HPSE2: variants seen among roughly 807,000 people sequenced by gnomAD.
The protein encoded by HPSE2 is heparanase 2 (inactive), also known as inactive heparanase-2.
HPSE2 carries 38 observed loss-of-function variants against 60.5 expected under a neutral mutation model. That is an observed-to-expected ratio of 0.63 (90% CI 0.48 to 0.82). HPSE2 has a LOEUF of 0.82. Ranked by LOEUF, HPSE2 falls within the 40% of genes least tolerant of loss-of-function variation. HPSE2 has a pLI of 0.00. For synonymous variants in HPSE2, 295 were observed against 293.2 expected (o/e 1.01, Z -0.06); for missense variants, 713 against 740.4 (o/e 0.96, Z 0.43).
the HPSE2 span, among the ~76,000 whole-genome samples, chr10:99,249,512 T>A: frequency 2.0e-5 from 3 of 152,208 alleles, no homozygotes; most frequent in Non-Finnish European, 2.9e-5. Flanking sequence ...ACTAACTTGT[T>A]TTTGATTTTA....
intron 3 of HPSE2, among the ~76,000 whole-genome samples, chr10:99,000,566 A>G (rs1956754904): frequency 6.6e-6 from 1 of 152,164 alleles, no homozygotes; most frequent in Admixed American, 6.6e-5. Context: ...CATGCAAATC[A>G]AAGACACTAA....
At chr10:99,174,874 G>A (rs780223409) in intron 2 of HPSE2, among the ~76,000 whole-genome samples, 4 of 152,184 alleles carry the variant, frequency 2.6e-5, no homozygotes, top group Non-Finnish European at 4.4e-5. Context: ...TGACATCAAC[G>A]CAGAAGGCAG....
chr10:99,036,516 C>G (rs1957613519), intron 3 of HPSE2, among the ~76,000 whole-genome samples: 1 of 152,020 alleles, frequency 6.6e-6, no homozygotes, highest in African/African-American at 2.4e-5. Flanking sequence ...ATAAATATCC[C>G]TAAGTCCTTA....
chr10:98,473,506 A>T (rs1039605372), intron 11 of HPSE2, among the ~76,000 whole-genome samples: 3 of 89,688 alleles, frequency 3.3e-5, no homozygotes, highest in African/African-American at 1.6e-4. Flanking sequence ...AAAAAAAAAG[A>T]AGGCAGAAAA....
At chr10:99,188,042 G>A (rs1848092254) in intron 2 of HPSE2, among the ~76,000 whole-genome samples, 1 of 152,168 alleles carries the variant, frequency 6.6e-6, no homozygotes, top group Non-Finnish European at 1.5e-5. Flanking sequence ...CATATCCATG[G>A]TTTCTGCAAG....
chr10:99,072,225 GGACATACAC>G (rs968379301), intron 3 of HPSE2, among the ~76,000 whole-genome samples: 3 of 152,002 alleles, frequency 2.0e-5, no homozygotes, highest in Admixed American at 2.0e-4. Flanking sequence ...ATACCATTCA[GGACATACAC>G]GCCAGCAAAG....
intron 8 of HPSE2, among the ~76,000 whole-genome samples, chr10:98,618,223 TTACAGCCAGAATATAAACAACTA>T (rs1408775194): frequency 2.2e-4 from 33 of 152,284 alleles, no homozygotes; most frequent in African/African-American, 7.9e-4. Context: ...GATATCTGAA[TTACAGCCAGAATATAAACAACTA>T]TGTTGATCTG....
chr10:98,490,169 G>A lies in HPSE2; in HGVS notation c.1348C>T (p.Arg450Cys), dbSNP rs200599636. 1.1e-5 allele frequency: 17 copies of A among 1,614,172 alleles called. No homozygotes were observed. The highest frequency in any genetic ancestry group is 3.3e-5 in the South Asian group (3 of 91,084). The change falls in exon 10 of 12, where the codon CGC (arginine) becomes TGC (cysteine). Residue 450 changes from arginine to cysteine, a missense_variant. By Grantham distance (180) the Arg-to-Cys change is radical (BLOSUM62 -3). Coordinates refer to ENST00000370552, the MANE Select transcript of HPSE2 (RefSeq NM_021828.5). ...PDYWLSLLYK[R>C]LIGPKVLAVH... Reference sequence around the variant, plus strand: ...GCCAAGACTTTGGGGCCGATCAGGCGCTTGTAGAGGAGAGAGAGCCAGTAG... The same window carrying A: ...GCCAAGACTTTGGGGCCGATCAGGCACTTGTAGAGGAGAGAGAGCCAGTAG...
At chr10:99,255,547 T>G in the HPSE2 span, among the ~76,000 whole-genome samples, 1 of 120,686 alleles carries the variant, frequency 8.3e-6, no homozygotes, top group Non-Finnish European at 1.6e-5. Flanking sequence ...TACACACACA[T>G]GCACGCATGC....
At position 99,151,627 on chromosome 10, in the gene HPSE2, T is replaced by A. The variant is rs574279586; in HGVS notation, c.449-7228A>T. Among the ~76,000 whole-genome samples the A allele has an allele frequency of 7.9e-4, 120 of 152,012 alleles. 1 individual carries two copies. The highest frequency in any genetic ancestry group is 2.7e-3 in the African/African-American group (113 of 41,470). On this transcript the variant is annotated intron_variant, in intron 2 of 11. Coordinates refer to ENST00000370552, the MANE Select transcript of HPSE2 (RefSeq NM_021828.5). ...AGCACGGAGGAAAAAAACTAATCCA[T>A]AAAGGGAACAAGTAATACAATTAAT...
chr10:98,511,130 G>GT (rs11393115), intron 9 of HPSE2, among the ~76,000 whole-genome samples: 102,827 of 138,816 alleles, frequency 0.74, 35,512 homozygotes, highest in Middle Eastern at 0.79. Flanking sequence ...ATGTGTTGCT[G>GT]TTTTTTTTTT....
chr10:98,692,399 G>A lies in HPSE2; in HGVS notation c.1004+1501C>T, dbSNP rs542399435. On this transcript the variant is annotated intron_variant, in intron 6 of 11. Coordinates refer to ENST00000370552, the MANE Select transcript of HPSE2 (RefSeq NM_021828.5). ...GGAGAGTTTGGCTTTTGCTCCAAGT[G>A]CAAAGGAGAGACATTGTGGGTTTTC... is the stretch of plus-strand genomic sequence containing the variant. Among the ~76,000 whole-genome samples, 6 of 151,942 alleles carry A rather than the reference G, an allele frequency of 3.9e-5. No homozygotes were observed. The East Asian group carries it at 9.7e-4, about 24-fold the overall frequency.
the HPSE2 span, among the ~76,000 whole-genome samples, chr10:99,266,699 C>T: frequency 2.0e-5 from 3 of 152,260 alleles, no homozygotes; most frequent in South Asian, 2.1e-4. Flanking sequence ...CAACACAAAA[C>T]GAGTACAATA....
Position 98,766,714 on chromosome 10 carries a change from C to A in HPSE2, c.611-22658G>T, listed in dbSNP as rs542455956. On this transcript the variant is annotated intron_variant, in intron 3 of 11. Transcript: ENST00000370552. ...CTGAGGCAGGCAGATTGCTTGAGCT[C>A]AGGAATTGGAGACCAGCCTGGGCAA... 3.3e-5 allele frequency among the ~76,000 whole-genome samples: 5 copies of A among 152,206 alleles called. No individual in the cohort carries two copies. The East Asian group carries it at 9.7e-4, about 29-fold the overall frequency.
chr10:98,749,262 T>C lies in HPSE2; in HGVS notation c.611-5206A>G, dbSNP rs553713808. On this transcript the variant is annotated intron_variant, in intron 3 of 11. Coordinates refer to ENST00000370552, the MANE Select transcript of HPSE2 (RefSeq NM_021828.5). ...AATCCAACAAACAAAAAATTGGACA[T>C]TCATTAACTTATTAAATTACTCAAC... Among the ~76,000 whole-genome samples the C allele has an allele frequency of 3.3e-5, 5 of 152,114 alleles. No individual in the cohort carries two copies. In the East Asian group the frequency reaches 9.7e-4, roughly 29 times the overall value.
rs551364493 is a variant in HPSE2, at chr10:98,585,689, C to T, written c.1320+29215G>A. ...TATTAAGGCCGGGCGCAGTGGCTCA[C>T]GCCTGTAATCCCAGCACTTTGGGAG... On this transcript the variant is annotated intron_variant, in intron 9 of 11. Coordinates refer to ENST00000370552, the MANE Select transcript of HPSE2 (RefSeq NM_021828.5). Among the ~76,000 whole-genome samples, 25 of 151,830 alleles carry T rather than the reference C, an allele frequency of 1.6e-4. No individual in the cohort carries two copies. The South Asian group carries it at 3.6e-3, about 22-fold the overall frequency.
At chr10:98,780,281 CAG>C (rs1440140619) in intron 3 of HPSE2, among the ~76,000 whole-genome samples, 4 of 152,174 alleles carry the variant, frequency 2.6e-5, no homozygotes, top group Admixed American at 6.5e-5. Context: ...ACACAAAAGA[CAG>C]AAGATCTCTA....
intron 3 of HPSE2, among the ~76,000 whole-genome samples, chr10:98,839,991 T>C (rs529774304): frequency 3.5e-4 from 53 of 152,356 alleles, no homozygotes; most frequent in Non-Finnish European, 6.3e-4. Context: ...TTAAACCTTA[T>C]GACAATCATT....
chr10:99,095,843 T>C (rs1843701008), intron 3 of HPSE2, among the ~76,000 whole-genome samples: 2 of 152,264 alleles, frequency 1.3e-5, no homozygotes, highest in Non-Finnish European at 1.5e-5. Context: ...AATATTTGTA[T>C]ACAAGTTTTT....
Sources: gnomAD v4.1 joint callset for allele counts (sites outside exome capture counted in the v4.1 genomes callset) on GRCh38, gnomAD v4.1.1 for gene constraint, MANE v1.5 for transcripts, NCBI Gene and HGNC (gene_info 2026-07-23, HGNC 2026-07-21) for gene names.